Variants in WNK1 observed in about 807,000 individuals in gnomAD.
WNK1 encodes the protein serine/threonine-protein kinase WNK1.
Under a neutral mutation model 222.8 loss-of-function variants are expected in WNK1, and 38 were observed. The observed-to-expected ratio is 0.17, with a 90% CI of 0.13 to 0.22. WNK1 has a LOEUF of 0.22. Ranked by LOEUF, WNK1 falls within the 10% of genes least tolerant of loss-of-function variation. The probability of loss-of-function intolerance (pLI) is 1.00; values close to 1 mark genes in which losing one functional copy is unlikely to be tolerated. For missense variants in WNK1, 2,348 were observed against 2,918.4 expected (o/e 0.80, Z 4.50); for synonymous variants, 1,090 against 1,092.9 (o/e 1.00, Z 0.05).
At chr12:877,465 G>T (rs1257018775) in intron 9 of WNK1, among the ~76,000 whole-genome samples, 1 of 152,214 alleles carries the variant, frequency 6.6e-6, no homozygotes, top group Middle Eastern at 3.4e-3. Flanking sequence ...TTTAGTATTC[G>T]AGTACAGTTA....
At chr12:830,714 T>C (rs1175417136) in intron 4 of WNK1, among the ~76,000 whole-genome samples, 1 of 152,246 alleles carries the variant, frequency 6.6e-6, no homozygotes, top group East Asian at 1.9e-4. Context: ...GTAGTTGTTA[T>C]GATTCATTTT....
At chr12:796,190 A>AT (rs1266617542) in intron 1 of WNK1, among the ~76,000 whole-genome samples, 1 of 151,598 alleles carries the variant, frequency 6.6e-6, no homozygotes, top group Non-Finnish European at 1.5e-5. Context: ...CTTATTTTTA[A>AT]TTTTTTTTAG....
intron 4 of WNK1, among the ~76,000 whole-genome samples, chr12:845,040 C>T (rs891672926): frequency 6.7e-6 from 1 of 149,498 alleles, no homozygotes; most frequent in Non-Finnish European, 1.5e-5. Flanking sequence ...GGACTACAGG[C>T]GCCCGCCACT....
intron 1 of WNK1, among the ~76,000 whole-genome samples, chr12:774,708 T>A (rs1393996486): frequency 6.6e-6 from 1 of 152,240 alleles, no homozygotes; most frequent in Non-Finnish European, 1.5e-5. Context: ...GTGTCCCAAG[T>A]GAGAGTTCTT....
chr12:854,217 A>C (rs1420188978), intron 4 of WNK1, among the ~76,000 whole-genome samples: 1 of 151,666 alleles, frequency 6.6e-6, no homozygotes, highest in East Asian at 2.0e-4. Context: ...AAAGACAAAA[A>C]ATTAGCTGGG....
chr12:891,414 A>G (rs1223988961), intron 22 of WNK1, among the ~76,000 whole-genome samples: 1 of 152,232 alleles, frequency 6.6e-6, no homozygotes, highest in African/African-American at 2.4e-5. Flanking sequence ...CTGGGATTAC[A>G]GGCGTGAGCC....
At chr12:880,671 T>G in intron 11 of WNK1, 50 bp from the exon 12 acceptor site, 1 of 1,604,386 alleles carries the variant, frequency 6.2e-7, no homozygotes, top group Non-Finnish European at 8.5e-7. Flanking sequence ...GTTTTGCTAA[T>G]TTATTGACCC....
intron 2 of WNK1, among the ~76,000 whole-genome samples, chr12:819,724 C>G (rs1447155104): frequency 6.6e-6 from 1 of 152,118 alleles, no homozygotes. Context: ...GTTATTGTTC[C>G]ATTTTTAAGT....
At chr12:906,554 G>A (rs1565621188) in intron 26 of WNK1, 1 of 985,178 alleles carries the variant, frequency 1.0e-6, no homozygotes, top group Non-Finnish European at 1.2e-6. Context: ...GGAAAACCAT[G>A]TCTTCCTGAA....
intron 25 of WNK1, among the ~76,000 whole-genome samples, chr12:898,459 G>C (rs544135168): frequency 6.7e-6 from 1 of 148,800 alleles, no homozygotes; most frequent in East Asian, 2.0e-4. Context: ...CTCCAGCCTC[G>C]GTGACAGAGC....
intron 8 of WNK1, chr12:865,361 T>TACTGTATG: frequency 6.5e-7 from 1 of 1,535,976 alleles, no homozygotes; most frequent in Non-Finnish European, 8.7e-7. Context: ...TCTTTGTCAG[T>TACTGTATG]ACTGTATGTA....
intron 1 of WNK1, among the ~76,000 whole-genome samples, chr12:759,211 A>G (rs1338708364): frequency 6.8e-6 from 1 of 147,334 alleles, no homozygotes; most frequent in African/African-American, 2.4e-5. Flanking sequence ...ATTTCTGAAA[A>G]TATTTAGCAT....
chr12:900,580 C>A lies in WNK1; in HGVS notation c.6553C>A (p.Leu2185Ile), dbSNP rs898024572. Residue 2185 changes from leucine to isoleucine, a missense_variant, in exon 26 of 28, where the codon CTT becomes ATT. Transcript: ENST00000315939. ...CGGGCAGAATCAGCTGTTACAGCCC[C>A]TTAAGCCATCTCCCTCCAGTGACAA... Reference protein sequence around the residue: ...ESGQNQLLQPLKPSPSSDNLY... With the variant: ...ESGQNQLLQPIKPSPSSDNLY... 3.1e-6 allele frequency: 5 copies of A among 1,614,224 alleles called. No homozygotes were observed. In the Admixed American group the frequency reaches 8.3e-5, roughly 27 times the overall value.
At chr12:775,541 C>T (rs1481298634) in intron 1 of WNK1, among the ~76,000 whole-genome samples, 1 of 152,010 alleles carries the variant, frequency 6.6e-6, no homozygotes, top group Non-Finnish European at 1.5e-5. Flanking sequence ...AAGACCTCAT[C>T]TCTGCAAAAA....
chr12:762,306 T>A (rs11064520), intron 1 of WNK1, among the ~76,000 whole-genome samples: 85,859 of 146,072 alleles, frequency 0.59, 29,091 homozygotes, highest in East Asian at 0.87. Flanking sequence ...GTGATCCATC[T>A]GCCTCTGCCT....
rs1165161187 is a variant in WNK1 at position 753,953 on chromosome 12, A to T, written c.388A>T (p.Thr130Ser). The change falls in exon 1 of 28, where the codon ACT (threonine) becomes TCT (serine). Residue 130 changes from threonine to serine, a missense_variant. Physicochemically the swap from Thr to Ser is moderately conservative, Grantham distance 58 (BLOSUM62 1). Transcript: ENST00000315939. This position sits in a 1 kb window ranked among gnomAD's most constrained non-coding sequence, Gnocchi z 5.2. ...GGAAGAGACCGTGACCGCCACCGCC[A>T]CTTCCCAGGTAGCCCAGCAGCCTCC... Reference protein sequence around the residue: ...HREETVTATATSQVAQQPPAA... With the variant: ...HREETVTATASSQVAQQPPAA... 1 of 1,603,446 alleles carries T rather than the reference A, an allele frequency of 6.2e-7. No individual in the cohort carries two copies.
At position 857,590 on chromosome 12, in the gene WNK1, C is replaced by A. The variant is rs181058275; in HGVS notation, c.1400+341C>A. Among the ~76,000 whole-genome samples, 277 of 152,260 alleles carry A rather than the reference C, an allele frequency of 1.8e-3. 3 individuals are homozygous for A. The highest frequency in any genetic ancestry group is 6.6e-3 in the African/African-American group (273 of 41,536). ...AGGAAATCTTTTCTTAGTCCTTTAC[C>A]ATTGAATTCTAAGTGGTGAAATAAA... On this transcript the variant is annotated intron_variant, in intron 5 of 27. Coordinates refer to ENST00000315939, the MANE Select transcript of WNK1 (RefSeq NM_018979.4).
chr12:864,394 A>G (rs1162825821), intron 8 of WNK1, among the ~76,000 whole-genome samples: 1 of 152,184 alleles, frequency 6.6e-6, no homozygotes, highest in Non-Finnish European at 1.5e-5. Flanking sequence ...TACAGGTGTG[A>G]GCCACCATGC....
At chr12:809,607 A>T (rs1376550177) in intron 1 of WNK1, among the ~76,000 whole-genome samples, 1 of 152,126 alleles carries the variant, frequency 6.6e-6, no homozygotes, top group Non-Finnish European at 1.5e-5. Context: ...TTGCATGAGA[A>T]TTATTATTTT....
Sources: gnomAD v4.1 joint callset for allele counts (sites outside exome capture counted in the v4.1 genomes callset) on GRCh38, gnomAD v4.1.1 for gene constraint, Gnocchi (gnomAD v3.1) non-coding constraint, MANE v1.5 for transcripts, NCBI Gene and HGNC (gene_info 2026-07-23, HGNC 2026-07-21) for gene names.